PDIA5: variants seen among roughly 807,000 people sequenced by gnomAD.
PDIA5 encodes the protein protein disulfide isomerase family A member 5, also known as protein disulfide-isomerase A5.
A neutral mutation model predicts 77.6 loss-of-function variants in PDIA5; 58 were observed. The observed-to-expected ratio is 0.75, with a 90% confidence interval of 0.61 to 0.93. PDIA5 has a LOEUF of 0.93. Ranked by LOEUF, PDIA5 falls within the 40% of genes least tolerant of loss-of-function variation. PDIA5 has a pLI of 0.00. For synonymous variants in PDIA5, 250 were observed against 252.1 expected (o/e 0.99, Z 0.08); for missense variants, 630 against 647.7 (o/e 0.97, Z 0.30).
chr3:123,138,441 G>A (rs1187397563), intron 11 of PDIA5, among the ~76,000 whole-genome samples: 1 of 152,110 alleles, frequency 6.6e-6, no homozygotes, highest in Non-Finnish European at 1.5e-5. Context: ...TTGAAGGTTT[G>A]AGTTGTTTAC....
chr3:123,158,987 T>C (rs1380275814), intron 15 of PDIA5, among the ~76,000 whole-genome samples: 1 of 152,256 alleles, frequency 6.6e-6, no homozygotes, highest in Admixed American at 6.5e-5. Context: ...CCTTTGCAGC[T>C]AGAAGTTGCA....
intron 11 of PDIA5, among the ~76,000 whole-genome samples, chr3:123,132,233 A>T (rs1935386022): frequency 1.3e-5 from 2 of 152,174 alleles, no homozygotes; most frequent in Admixed American, 1.3e-4. Context: ...GGTTCCAGGA[A>T]GAACAGGGTC....
At chr3:123,081,014 G>A (rs549524372) in intron 1 of PDIA5, among the ~76,000 whole-genome samples, 1 of 152,304 alleles carries the variant, frequency 6.6e-6, no homozygotes, top group South Asian at 2.1e-4. Flanking sequence ...ACTCTTATCA[G>A]ATGTCTGTTA....
At chr3:123,111,049 C>T in intron 7 of PDIA5, 45 bp downstream of exon 7, 3 of 1,056,904 alleles carry the variant, frequency 2.8e-6, no homozygotes, top group East Asian at 2.7e-5. Flanking sequence ...TGTTTAGTCT[C>T]TTTGTGGGTG....
Position 123,140,848 on chromosome 3 carries a change from C to T in PDIA5, c.911-4674C>T, listed in dbSNP as rs898689204. Among the ~76,000 whole-genome samples, 10 of 152,330 alleles carry T rather than the reference C, an allele frequency of 6.6e-5. No individual in the cohort carries two copies. In the South Asian group the frequency reaches 1.4e-3, roughly 22 times the overall value. ...AGGAGACAGCCATGTGTGCGAGCTG[C>T]GGAAACTGGAGGTCTCCTGGTATTG... On this transcript the variant is annotated intron_variant, in intron 11 of 16. Transcript: ENST00000316218.
At chr3:123,078,054 C>G (rs1933902184) in intron 1 of PDIA5, among the ~76,000 whole-genome samples, 1 of 152,076 alleles carries the variant, frequency 6.6e-6, no homozygotes, top group Non-Finnish European at 1.5e-5. Flanking sequence ...GTGATCCGCT[C>G]GCCTCAGCCT....
chr3:123,103,838 C>G (rs1545324), intron 5 of PDIA5, among the ~76,000 whole-genome samples: 109,864 of 152,124 alleles, frequency 0.72, 39,785 homozygotes, highest in Non-Finnish European at 0.74. Context: ...AACCGAAGTT[C>G]TTGGAGAGAA....
Position 123,101,611 on chromosome 3 carries a change from G to C in PDIA5, c.258-800G>C, listed in dbSNP as rs185388442. 3.0e-4 allele frequency among the ~76,000 whole-genome samples: 45 copies of C among 152,284 alleles called. No homozygotes were observed. In the East Asian group the frequency reaches 4.6e-3, roughly 16 times the overall value. On this transcript the variant is annotated intron_variant, in intron 3 of 16. Transcript: ENST00000316218. ...GTTTTCCTCTTACCTTGGTCACGTAGTATATAGCAGATAGCCTATGTCAGA... is the reference window on the plus strand; with the variant it reads ...GTTTTCCTCTTACCTTGGTCACGTACTATATAGCAGATAGCCTATGTCAGA...
intron 7 of PDIA5, among the ~76,000 whole-genome samples, chr3:123,113,644 A>G (rs1211792998): frequency 6.6e-6 from 1 of 152,200 alleles, no homozygotes; most frequent in African/African-American, 2.4e-5. Context: ...CTTTTAGCAC[A>G]CTAGTCTAAT....
intron 3 of PDIA5, among the ~76,000 whole-genome samples, chr3:123,102,185 T>C (rs753437703): frequency 2.2e-4 from 34 of 152,188 alleles, no homozygotes; most frequent in Non-Finnish European, 3.5e-4. Flanking sequence ...GCTGGGATTA[T>C]AGGCGTGAGC....
At chr3:123,122,859 T>C (rs1935151197) in intron 8 of PDIA5, among the ~76,000 whole-genome samples, 2 of 152,270 alleles carry the variant, frequency 1.3e-5, no homozygotes, top group Admixed American at 1.3e-4. Flanking sequence ...GTTTCTTCTC[T>C]CTGCTTCTGT....
chr3:123,161,250 A>C, intron 15 of PDIA5, 71 bp from the exon 16 acceptor site: 1 of 1,505,482 alleles, frequency 6.6e-7, no homozygotes, highest in South Asian at 1.2e-5. Flanking sequence ...CTAGATGTGC[A>C]ATCTGTGTTG....
intron 10 of PDIA5, among the ~76,000 whole-genome samples, chr3:123,129,059 G>A (rs559527636): frequency 0.045 from 2,907 of 65,290 alleles, 36 homozygotes; most frequent in Middle Eastern, 0.087. Context: ...TCCAATTTTC[G>A]CTATGACAAC....
rs746194184 is a variant in PDIA5 at position 123,161,986 on chromosome 3, A to T, written c.*26A>T. On this transcript the variant is annotated 3_prime_UTR_variant, in exon 17 of 17. Coordinates refer to ENST00000316218, the MANE Select transcript of PDIA5 (RefSeq NM_006810.4). ...TTCCTGCCTCAGAAAAAGCTTTTCC[A>T]TTACACTGTGAATGATACCTGTTTT... is the stretch of plus-strand genomic sequence containing the variant. The T allele has an allele frequency of 4.5e-6, 6 of 1,337,956 alleles. No homozygotes were observed. In the Admixed American group the frequency reaches 8.7e-5, roughly 19 times the overall value. The allele number at this position is 1,337,956 out of a possible 1,614,324, so 82.9% of individuals were successfully genotyped here. A position where few individuals can be genotyped will look rare whatever the true frequency, so the allele number is the denominator to read the frequency against.
At chr3:123,125,252 C>T (rs559887020) in intron 10 of PDIA5, among the ~76,000 whole-genome samples, 1 of 152,362 alleles carries the variant, frequency 6.6e-6, no homozygotes, top group Admixed American at 6.5e-5. Context: ...GGAGTAACAA[C>T]AGCCAACATC....
chr3:123,119,562 C>A lies in PDIA5; in HGVS notation c.609+3264C>A, dbSNP rs187159670. The stretch of plus-strand genomic sequence containing the variant: ...TACATAAAGAGGGAAGGGCCCTGGC[C>A]GCTGCACGCATCACCCACGCAGGAG... On this transcript the variant is annotated intron_variant, in intron 8 of 16. Transcript: ENST00000316218. Among the ~76,000 whole-genome samples the A allele has an allele frequency of 1.2e-4, 19 of 152,312 alleles. No homozygotes were observed. The East Asian group carries it at 3.7e-3, about 29-fold the overall frequency.
Position 123,089,275 on chromosome 3 carries a change from G to T in PDIA5, c.150G>T (p.Leu50=). 6.2e-7 allele frequency: 1 copy of T among 1,614,060 alleles called. No individual in the cohort carries two copies. The highest frequency in any genetic ancestry group is 8.5e-7 in the Non-Finnish European group (1 of 1,179,900). Residue 50 remains leucine, a synonymous_variant, in exon 2 of 17, where the codon CTG becomes CTT. Coordinates refer to ENST00000316218, the MANE Select transcript of PDIA5 (RefSeq NM_006810.4). ...KKLLRTRNNV[L]VLYSKSEVAA... ...TGCTCAGAACCCGGAATAATGTACT[G>T]GTGCTTTACTCCAAATCTGGTGAGT...
At chr3:123,073,289 T>G (rs578197439) in intron 1 of PDIA5, among the ~76,000 whole-genome samples, 1 of 152,204 alleles carries the variant, frequency 6.6e-6, no homozygotes, top group East Asian at 1.9e-4. Context: ...TTAGACGAGG[T>G]TGAGGTGTCT....
At position 123,133,906 on chromosome 3, in the gene PDIA5, T is replaced by C. The variant is rs778322616; in HGVS notation, c.910+3290T>C. The stretch of plus-strand genomic sequence containing the variant: ...ATATAGGAAAGTATAGAGAAGAAAA[T>C]TAAAATGCTTCCTGATACTGATTCC... On this transcript the variant is annotated intron_variant, in intron 11 of 16. Transcript: ENST00000316218. Among the ~76,000 whole-genome samples the C allele has an allele frequency of 3.3e-5, 5 of 152,246 alleles. 1 individual carries two copies. In the Middle Eastern group the frequency reaches 0.014, roughly 414 times the overall value.
Sources: allele counts gnomAD v4.1 joint callset (sites outside exome capture counted in the v4.1 genomes callset), GRCh38; gene constraint gnomAD v4.1.1; transcripts MANE v1.5; gene names NCBI Gene and HGNC (gene_info 2026-07-23, HGNC 2026-07-21).